TMCC1: variants seen among roughly 807,000 people sequenced by gnomAD.
TMCC1 encodes the protein transmembrane and coiled-coil domains protein 1.
Under a neutral mutation model 52.4 loss-of-function variants are expected in TMCC1, and 15 were observed. The observed-to-expected ratio is 0.29, with a 90% CI of 0.19 to 0.44. The LOEUF is 0.44. Among genes scored for constraint, TMCC1 ranks in the 20% least tolerant of loss-of-function variants. The pLI, the probability that TMCC1 is intolerant of heterozygous loss-of-function variation, is 1.00. For missense variants in TMCC1, 503 were observed against 806.0 expected, an observed-to-expected ratio of 0.62 and a Z score of 4.55; for synonymous variants, 279 against 301.9, an observed-to-expected ratio of 0.92 and a Z score of 0.79.
rs957481563 is a variant in TMCC1 at position 129,777,001 on chromosome 3, T to C, written c.576+50802A>G. 3.3e-5 allele frequency among the ~76,000 whole-genome samples: 5 copies of C among 152,144 alleles called. No homozygotes were observed. The East Asian group carries it at 9.6e-4, about 29-fold the overall frequency. On this transcript the variant is annotated intron_variant, in intron 4 of 6. Transcript: ENST00000393238. Reference sequence around the variant, plus strand: ...AGCTTGTGGTCAATCGAGTCAGGTATACATTCAACGAACGTATTGTTTGCC... The same window carrying C: ...AGCTTGTGGTCAATCGAGTCAGGTACACATTCAACGAACGTATTGTTTGCC...
intron 4 of TMCC1, chr3:129,794,285 G>C (rs1157810342): frequency 4.4e-6 from 2 of 456,102 alleles, no homozygotes; most frequent in Non-Finnish European, 8.8e-6. Flanking sequence ...AAGCAAGTGA[G>C]AGTTTCCCCT....
At chr3:129,873,436 C>T (rs1249485997) in intron 2 of TMCC1, among the ~76,000 whole-genome samples, 2 of 150,672 alleles carry the variant, frequency 1.3e-5, no homozygotes, top group Admixed American at 1.3e-4. Flanking sequence ...AATCCCAGCA[C>T]TTTGGGAGGT....
chr3:129,804,780 G>A (rs1333806792), intron 4 of TMCC1, among the ~76,000 whole-genome samples: 1 of 152,106 alleles, frequency 6.6e-6, no homozygotes, highest in African/African-American at 2.4e-5. Flanking sequence ...GAACCCTAAT[G>A]CAGCTCTAGG....
At chr3:129,753,665 G>A (rs2052734532) in intron 4 of TMCC1, among the ~76,000 whole-genome samples, 2 of 152,058 alleles carry the variant, frequency 1.3e-5, no homozygotes, top group Admixed American at 1.3e-4. Context: ...TCATGATAAA[G>A]ACTCTCAAAG....
intron 4 of TMCC1, among the ~76,000 whole-genome samples, chr3:129,692,643 C>T (rs1260972370): frequency 6.6e-6 from 1 of 152,056 alleles, no homozygotes; most frequent in Non-Finnish European, 1.5e-5. Flanking sequence ...TGACGTAGTT[C>T]TTATTATCCA....
chr3:129,784,513 C>G (rs1231086252), intron 4 of TMCC1, among the ~76,000 whole-genome samples: 1 of 151,564 alleles, frequency 6.6e-6, no homozygotes, highest in African/African-American at 2.4e-5. Flanking sequence ...TTGCAGTGAG[C>G]CAAGATCGCG....
chr3:129,866,236 A>C (rs784746), intron 2 of TMCC1, among the ~76,000 whole-genome samples: 141,108 of 145,756 alleles, frequency 0.97, 68,459 homozygotes, highest in South Asian at 1. Context: ...AGCTATATAC[A>C]TACATACATA....
intron 4 of TMCC1, among the ~76,000 whole-genome samples, chr3:129,758,963 T>G (rs1418017415): frequency 6.6e-6 from 1 of 152,220 alleles, no homozygotes; most frequent in African/African-American, 2.4e-5. Context: ...CCATCTATAT[T>G]GCAGTATGTA....
chr3:129,809,369 T>C (rs1447057369), intron 4 of TMCC1, among the ~76,000 whole-genome samples: 1 of 151,934 alleles, frequency 6.6e-6, no homozygotes, highest in African/African-American at 2.4e-5. Flanking sequence ...ATACTCCTAG[T>C]GTTGGAAAGC....
At chr3:129,708,924 T>C (rs1166221259) in intron 4 of TMCC1, among the ~76,000 whole-genome samples, 2 of 152,234 alleles carry the variant, frequency 1.3e-5, no homozygotes, top group Non-Finnish European at 2.9e-5. Flanking sequence ...TAATCTCGGA[T>C]AATTTAAATT....
At chr3:129,657,994 A>C (rs1299352414) in intron 5 of TMCC1, among the ~76,000 whole-genome samples, 2 of 152,230 alleles carry the variant, frequency 1.3e-5, no homozygotes, top group East Asian at 3.8e-4. Flanking sequence ...AAAAAGTATA[A>C]ACAACCCATA....
intron 4 of TMCC1, among the ~76,000 whole-genome samples, chr3:129,722,682 T>G (rs1388835613): frequency 6.6e-6 from 1 of 152,176 alleles, no homozygotes; most frequent in Non-Finnish European, 1.5e-5. Context: ...CACTATTCCT[T>G]TAGGGCTCTC....
At chr3:129,716,329 ATTTTTTT>A (rs71155569) in intron 4 of TMCC1, among the ~76,000 whole-genome samples, 5 of 73,648 alleles carry the variant, frequency 6.8e-5, no homozygotes, top group East Asian at 6.9e-4. Flanking sequence ...CACCTGGCAA[ATTTTTTT>A]TTTTTTTTTT....
chr3:129,753,293 A>G (rs1027370161), intron 4 of TMCC1, among the ~76,000 whole-genome samples: 15 of 152,242 alleles, frequency 9.9e-5, no homozygotes, highest in East Asian at 1.9e-4. Context: ...CCAATCTTCC[A>G]GAGTATGAAA....
At chr3:129,655,204 A>C (rs1186975783) in intron 5 of TMCC1, 101 bp from the exon 6 acceptor site, 13 of 1,407,996 alleles carry the variant, frequency 9.2e-6, no homozygotes, top group Non-Finnish European at 1.2e-5. Context: ...AAAGGAATAG[A>C]AGCACAAAGA....
chr3:129,656,290 CCT>C (rs1181726702), intron 5 of TMCC1, among the ~76,000 whole-genome samples: 2 of 152,190 alleles, frequency 1.3e-5, no homozygotes, highest in Non-Finnish European at 2.9e-5. Flanking sequence ...AGAATGGAAA[CCT>C]CTCTGTCAGG....
rs542711371 is a variant in TMCC1 at position 129,768,047 on chromosome 3, G to T, written c.576+59756C>A. Among the ~76,000 whole-genome samples the T allele has an allele frequency of 2.6e-5, 4 of 152,234 alleles. No individual in the cohort carries two copies. The South Asian group carries it at 8.3e-4, about 32-fold the overall frequency. ...CTCTACAAAAAAATGCAAATAGCTG[G>T]GCATGGTGGTATGCATCTGTAGTCT... On this transcript the variant is annotated intron_variant, in intron 4 of 6. Transcript: ENST00000393238.
At chr3:129,860,502 T>C (rs1560566948) in intron 2 of TMCC1, among the ~76,000 whole-genome samples, 1 of 152,220 alleles carries the variant, frequency 6.6e-6, no homozygotes, top group Non-Finnish European at 1.5e-5. Flanking sequence ...GTCTACAGTG[T>C]ACATCAAAAT....
At chr3:129,691,708 T>G (rs1439040299) in intron 4 of TMCC1, among the ~76,000 whole-genome samples, 1 of 152,114 alleles carries the variant, frequency 6.6e-6, no homozygotes, top group Non-Finnish European at 1.5e-5. Flanking sequence ...CATTTGAGCC[T>G]AGGAGTTTGA....
Sources: gnomAD v4.1 joint callset for allele counts (sites outside exome capture counted in the v4.1 genomes callset) on GRCh38, gnomAD v4.1.1 for gene constraint, MANE v1.5 for transcripts, NCBI Gene and HGNC (gene_info 2026-07-23, HGNC 2026-07-21) for gene names.